NAALAD2: variants seen among roughly 807,000 people sequenced by gnomAD.
The protein encoded by NAALAD2 is N-acetylated alpha-linked acidic dipeptidase 2.
Under a neutral mutation model 95.6 loss-of-function variants are expected in NAALAD2, and 89 were observed. The observed-to-expected ratio is 0.93, with a 90% confidence interval of 0.78 to 1.11. The LOEUF is 1.11. Among genes scored for constraint, NAALAD2 ranks in the 50% least tolerant of loss-of-function variants. The pLI, the probability that NAALAD2 is intolerant of heterozygous loss-of-function variation, is 0.00. For missense variants in NAALAD2, 894 were observed against 872.4 expected (o/e 1.02, Z -0.31); for synonymous variants, 264 against 294.4 (o/e 0.90, Z 1.06).
rs773225772 is a variant in NAALAD2, at chr11:90,181,733, A to ATTT, written c.1940+32_1940+33insTTT. 51 of 1,286,400 alleles carry ATTT rather than the reference A, an allele frequency of 4.0e-5. No homozygotes were observed. In the African/African-American group the frequency reaches 7.2e-4, roughly 18 times the overall value. 79.7% of individuals were successfully genotyped at this position (1,286,400 alleles called of 1,614,324 possible). The stretch of plus-strand genomic sequence containing the variant: ...TTCAAATCCCTTTTTTTTTAAAAAA[A>ATTT]AAAAAAAAAGCAATCTGGTTACTAG... On this transcript the variant is annotated intron_variant, in intron 17 of 18. Coordinates refer to ENST00000534061, the MANE Select transcript of NAALAD2 (RefSeq NM_005467.4).
At chr11:90,157,877 C>T (rs1005300224) in intron 6 of NAALAD2, among the ~76,000 whole-genome samples, 4 of 152,126 alleles carry the variant, frequency 2.6e-5, no homozygotes, top group African/African-American at 9.6e-5. Context: ...TGCGCCACCA[C>T]GTCCAGCTAA....
intron 11 of NAALAD2, chr11:90,163,875 TAAG>T (rs1293819346): frequency 6.5e-6 from 3 of 463,316 alleles, no homozygotes; most frequent in African/African-American, 4.0e-5. Context: ...TTATAAAAAA[TAAG>T]AAAAATCAGT....
chr11:90,174,517 T>C (rs1181954993), intron 14 of NAALAD2, among the ~76,000 whole-genome samples: 3 of 152,042 alleles, frequency 2.0e-5, no homozygotes, highest in Non-Finnish European at 4.4e-5. Flanking sequence ...ACATATGTAT[T>C]AGGTGTATTA....
At chr11:90,167,540 G>T (rs571384071) in intron 11 of NAALAD2, among the ~76,000 whole-genome samples, 1 of 152,222 alleles carries the variant, frequency 6.6e-6, no homozygotes, top group Non-Finnish European at 1.5e-5. Context: ...CACATCGTGG[G>T]ACTGGCAGGC....
upstream of NAALAD2, among the ~76,000 whole-genome samples, chr11:90,132,540 A>G (rs964037681): frequency 3.3e-5 from 5 of 152,170 alleles, no homozygotes; most frequent in African/African-American, 4.8e-5. Flanking sequence ...ATCAATACCC[A>G]AAATGTTTAT....
At chr11:90,171,548 G>A in intron 13 of NAALAD2, among the ~76,000 whole-genome samples, 1 of 152,280 alleles carries the variant, frequency 6.6e-6, no homozygotes, top group South Asian at 2.1e-4. Context: ...TGGCCTTGAT[G>A]TCAGGAATGA....
intron 18 of NAALAD2, among the ~76,000 whole-genome samples, chr11:90,188,981 T>TG (rs1415285075): frequency 1.3e-5 from 2 of 152,210 alleles, no homozygotes; most frequent in Admixed American, 6.5e-5. Context: ...AGGTGGCAGA[T>TG]GGATGAGTCA....
chr11:90,178,242 C>G, intron 16 of NAALAD2, 125 bp downstream of exon 16: 2 of 1,125,986 alleles, frequency 1.8e-6, no homozygotes, highest in Non-Finnish European at 2.5e-6. Flanking sequence ...ATTTTGACTT[C>G]TACACAAAAA....
chr11:90,158,011 G>C (rs888280527), intron 6 of NAALAD2, 134 bp from the exon 7 acceptor site: 3 of 661,094 alleles, frequency 4.5e-6, no homozygotes, highest in African/African-American at 1.9e-5. Flanking sequence ...GAGCCACCAC[G>C]CCTGGCCAGG....
rs1023987019 is a variant in NAALAD2, at chr11:90,181,468, T to A, written c.1859-152T>A. 6 of 605,544 alleles carry A rather than the reference T, an allele frequency of 9.9e-6. No individual in the cohort carries two copies. The African/African-American group carries it at 1.2e-4, about 12-fold the overall frequency. The allele number at this position is 605,544 out of a possible 1,614,324, so 37.5% of individuals were successfully genotyped here. ...TTCAAACAATATTACTTTGTTATATTTTCTACTAATTTTCATGGATCTGCA... is the reference window on the plus strand; with the variant it reads ...TTCAAACAATATTACTTTGTTATATATTCTACTAATTTTCATGGATCTGCA... On this transcript the variant is annotated intron_variant, in intron 16 of 18. Transcript: ENST00000534061.
intron 16 of NAALAD2, among the ~76,000 whole-genome samples, chr11:90,180,632 TTTGC>T (rs1418195018): frequency 6.6e-6 from 1 of 152,078 alleles, no homozygotes; most frequent in Non-Finnish European, 1.5e-5. Context: ...TATCTCCTGA[TTTGC>T]TTGCACCACA....
intron 11 of NAALAD2, among the ~76,000 whole-genome samples, chr11:90,166,727 C>T (rs111919794): frequency 0.014 from 2,081 of 150,788 alleles, 52 homozygotes; most frequent in African/African-American, 0.048. Context: ...CCCAGCTACT[C>T]GGGAGGCTGA....
chr11:90,158,515 C>G (rs904090708), intron 7 of NAALAD2: 64 of 292,772 alleles, frequency 2.2e-4, no homozygotes, highest in Middle Eastern at 1.0e-3. Flanking sequence ...ATTTTTCAAG[C>G]AATTGAATTT....
upstream of NAALAD2, among the ~76,000 whole-genome samples, chr11:90,132,451 G>C (rs1951366632): frequency 6.6e-6 from 1 of 152,046 alleles, no homozygotes; most frequent in South Asian, 2.1e-4. Context: ...GCCTCTTGAG[G>C]GCTATGTAGT....
At chr11:90,170,011 C>A in intron 12 of NAALAD2, 58 bp from the exon 13 acceptor site, 1 of 1,018,818 alleles carries the variant, frequency 9.8e-7, no homozygotes, top group Non-Finnish European at 1.6e-6. Context: ...TAGAATTAAA[C>A]AAATGGAATT....
chr11:90,168,711 T>C (rs113540783), intron 11 of NAALAD2, among the ~76,000 whole-genome samples: 2,199 of 152,310 alleles, frequency 0.014, 44 homozygotes, highest in African/African-American at 0.05. Flanking sequence ...CAGTAGCTAT[T>C]GCTTCATAGT....
intron 4 of NAALAD2, 126 bp downstream of exon 4, chr11:90,149,233 G>A: frequency 4.4e-6 from 2 of 450,800 alleles, no homozygotes; most frequent in South Asian, 5.7e-5. Flanking sequence ...TTGATATTCA[G>A]TACTATGAAA....
At chr11:90,156,078 T>C (rs1041343293) in intron 6 of NAALAD2, among the ~76,000 whole-genome samples, 1 of 151,814 alleles carries the variant, frequency 6.6e-6, no homozygotes, top group Non-Finnish European at 1.5e-5. Context: ...ACTAGAGTGA[T>C]ATTCTCTCCT....
At chr11:90,162,916 G>A (rs1401081659) in intron 8 of NAALAD2, 33 bp from the exon 9 acceptor site, 33 of 1,155,168 alleles carry the variant, frequency 2.9e-5, no homozygotes, top group East Asian at 4.8e-5. Context: ...ATAATTTGCT[G>A]TACTAAGTAA....
Sources: gnomAD v4.1 joint callset for allele counts (sites outside exome capture counted in the v4.1 genomes callset) on GRCh38, gnomAD v4.1.1 for gene constraint, MANE v1.5 for transcripts, NCBI Gene and HGNC (gene_info 2026-07-23, HGNC 2026-07-21) for gene names.